Variants in NALCN observed in about 807,000 individuals in gnomAD.
NALCN encodes the protein sodium leak channel NALCN.
NALCN carries 111 observed loss-of-function variants against 225.3 expected under a neutral mutation model. That is an observed-to-expected ratio of 0.49 (90% CI 0.42 to 0.58). NALCN has a LOEUF of 0.58. Ranked by LOEUF, NALCN falls within the 20% of genes least tolerant of loss-of-function variation. The pLI is 0.00. For missense variants in NALCN, 1,378 were observed against 2,202.4 expected (o/e 0.63, Z 7.49); for synonymous variants, 764 against 769.0 (o/e 0.99, Z 0.11).
chr13:101,362,913 C>CA (rs1410805149), intron 6 of NALCN, among the ~76,000 whole-genome samples: 1 of 151,932 alleles, frequency 6.6e-6, no homozygotes, highest in Admixed American at 6.6e-5. Context: ...AACCAACATA[C>CA]AAAAATTAAT....
At chr13:101,387,587 G>C (rs1347610830) in intron 3 of NALCN, among the ~76,000 whole-genome samples, 1 of 152,168 alleles carries the variant, frequency 6.6e-6, no homozygotes, top group Non-Finnish European at 1.5e-5. Context: ...TGGGTGAAGG[G>C]ACTAAAGAAT....
rs114087771 is a variant in NALCN at position 101,327,887 on chromosome 13, C to T, written c.799+17379G>A. On this transcript the variant is annotated intron_variant, in intron 7 of 43. Transcript: ENST00000251127. ...CTAGTCTGGGGGTTGGCTAACTTTC[C>T]GTAAATGGCCAGATGGTAAACATTT... Among the ~76,000 whole-genome samples, 958 of 152,260 alleles carry T rather than the reference C, an allele frequency of 6.3e-3. 8 individuals carry two copies. The highest frequency in any genetic ancestry group is 0.022 in the African/African-American group (904 of 41,544).
chr13:101,389,684 A>G (rs1463786575), intron 3 of NALCN, among the ~76,000 whole-genome samples: 1 of 152,216 alleles, frequency 6.6e-6, no homozygotes, highest in Non-Finnish European at 1.5e-5. Flanking sequence ...TACTCTACCC[A>G]ATGTGTGGGA....
intron 11 of NALCN, among the ~76,000 whole-genome samples, chr13:101,238,172 T>C (rs925556045): frequency 5.9e-5 from 9 of 151,928 alleles, no homozygotes; most frequent in Non-Finnish European, 1.3e-4. Context: ...GCATTATTTC[T>C]TTATTATCTA....
chr13:101,127,889 G>A lies in NALCN; in HGVS notation c.2119-3208C>T, dbSNP rs77536166. Among the ~76,000 whole-genome samples the A allele has an allele frequency of 4.7e-3, 712 of 152,148 alleles. 9 individuals are homozygous for A. The highest frequency in any genetic ancestry group is 0.016 in the African/African-American group (676 of 41,518). ...CTTTGCGAATTTTTTTTGGCAAAGG[G>A]CATTCCTAGACTGTGCTAAACATAA... On this transcript the variant is annotated intron_variant, in intron 17 of 43. Coordinates refer to ENST00000251127, the MANE Select transcript of NALCN (RefSeq NM_052867.4).
intron 7 of NALCN, among the ~76,000 whole-genome samples, chr13:101,306,623 C>T (rs2044161540): frequency 1.3e-5 from 2 of 152,208 alleles, no homozygotes; most frequent in African/African-American, 4.8e-5. Flanking sequence ...TCGTCCTCCA[C>T]CTCAGCATCC....
At chr13:101,073,047 A>G (rs1473626504) in intron 37 of NALCN, among the ~76,000 whole-genome samples, 1 of 152,234 alleles carries the variant, frequency 6.6e-6, no homozygotes, top group African/African-American at 2.4e-5. Context: ...AAGAACATGT[A>G]GCTGGCTGTC....
At chr13:101,158,347 G>T (rs564590613) in intron 15 of NALCN, among the ~76,000 whole-genome samples, 1 of 152,228 alleles carries the variant, frequency 6.6e-6, no homozygotes, top group Admixed American at 6.5e-5. Context: ...TCCTGAATGA[G>T]CATGTCTTGG....
chr13:101,164,073 T>C (rs893951656), intron 15 of NALCN, among the ~76,000 whole-genome samples: 3 of 152,162 alleles, frequency 2.0e-5, no homozygotes, highest in African/African-American at 7.2e-5. Flanking sequence ...AATGACCTCA[T>C]CTTAACCTGA....
At chr13:101,161,741 G>A (rs569651490) in intron 15 of NALCN, among the ~76,000 whole-genome samples, 158 of 152,198 alleles carry the variant, frequency 1.0e-3, no homozygotes, top group Non-Finnish European at 1.7e-3. Context: ...GAGTGGTGGC[G>A]CACGCCTGTA....
At chr13:101,117,489 T>C (rs1329314278) in intron 18 of NALCN, among the ~76,000 whole-genome samples, 1 of 152,228 alleles carries the variant, frequency 6.6e-6, no homozygotes, top group Non-Finnish European at 1.5e-5. Context: ...TCAACAGATA[T>C]GTATTCCATT....
At chr13:101,248,469 T>C (rs1431767286) in intron 11 of NALCN, among the ~76,000 whole-genome samples, 3 of 152,158 alleles carry the variant, frequency 2.0e-5, no homozygotes, top group East Asian at 1.9e-4. Flanking sequence ...ATCTTTGTTA[T>C]TTATGGTGAC....
intron 26 of NALCN, 98 bp from the exon 27 acceptor site, chr13:101,100,986 T>A: frequency 1.1e-6 from 1 of 934,436 alleles, no homozygotes; most frequent in Non-Finnish European, 1.5e-6. Flanking sequence ...GATAACATTG[T>A]ATAAAAATCA....
chr13:101,240,693 C>T (rs921171809), intron 11 of NALCN, among the ~76,000 whole-genome samples: 1 of 152,004 alleles, frequency 6.6e-6, no homozygotes, highest in African/African-American at 2.4e-5. Flanking sequence ...GTTTCTTCAG[C>T]GTTCATATAT....
intron 15 of NALCN, among the ~76,000 whole-genome samples, chr13:101,164,825 C>T (rs2038362680): frequency 6.6e-6 from 1 of 152,108 alleles, no homozygotes; most frequent in Non-Finnish European, 1.5e-5. Context: ...AGATCAAATG[C>T]TCTATAAGCT....
intron 39 of NALCN, 67 bp from the exon 40 acceptor site, chr13:101,065,628 G>GAAA: frequency 1.7e-6 from 2 of 1,204,932 alleles, no homozygotes; most frequent in Non-Finnish European, 2.2e-6. Context: ...TTTCTCAAAA[G>GAAA]AAAAAAAAAA....
chr13:101,216,118 G>A (rs1226410577), intron 13 of NALCN, among the ~76,000 whole-genome samples: 3 of 152,010 alleles, frequency 2.0e-5, no homozygotes, highest in Non-Finnish European at 2.9e-5. Context: ...ATTGTGTTCT[G>A]TCTGTATAAA....
At chr13:101,106,452 A>G (rs1252753585) in intron 22 of NALCN, among the ~76,000 whole-genome samples, 1 of 152,220 alleles carries the variant, frequency 6.6e-6, no homozygotes, top group Non-Finnish European at 1.5e-5. Context: ...CATAATGGGA[A>G]CATGGAAAGT....
chr13:101,054,277 A>G lies in NALCN; in HGVS notation c.*1018T>C, dbSNP rs682767. 95,347 of 152,086 alleles carry G rather than the reference A, an allele frequency of 0.63. 30,283 individuals are homozygous for G. The highest frequency in any genetic ancestry group is 0.66 in the African/African-American group (27,570 of 41,488). The allele number at this position is 152,086 out of a possible 1,614,324, so 9.4% of individuals were successfully genotyped here. A position where few individuals can be genotyped will look rare whatever the true frequency, so the allele number is the denominator to read the frequency against. On this transcript the variant is annotated 3_prime_UTR_variant, in exon 44 of 44. Coordinates refer to ENST00000251127, the MANE Select transcript of NALCN (RefSeq NM_052867.4). ...GTGTGATCCCTAACCTGTGAGTTCA[A>G]AGGAAGATTTTGCAGGGCACCATTA...
Sources: allele counts gnomAD v4.1 joint callset (sites outside exome capture counted in the v4.1 genomes callset), GRCh38; gene constraint gnomAD v4.1.1; transcripts MANE v1.5; gene names NCBI Gene and HGNC (gene_info 2026-07-23, HGNC 2026-07-21).